Variants in MAN1C1 observed in about 807,000 individuals in gnomAD.
MAN1C1 encodes the protein mannosyl-oligosaccharide 1,2-alpha-mannosidase IC.
In MAN1C1, 49 loss-of-function variants were observed where a neutral mutation model predicts 71.5. The ratio of observed to expected loss-of-function variants is 0.69; its 90% CI spans 0.54 to 0.87. The LOEUF (loss-of-function observed/expected upper bound fraction) is 0.87. Ranked by LOEUF, MAN1C1 falls within the 40% of genes least tolerant of loss-of-function variation. MAN1C1 has a pLI of 0.00. For synonymous variants in MAN1C1, 352 were observed against 343.7 expected, an observed-to-expected ratio of 1.02 and a Z score of -0.27; for missense variants, 743 against 835.0, an observed-to-expected ratio of 0.89 and a Z score of 1.36.
Position 25,711,372 on chromosome 1 carries a change from A to G in MAN1C1, c.637+24836A>G, listed in dbSNP as rs2046610734. Among the ~76,000 whole-genome samples the G allele has an allele frequency of 6.6e-6, 1 of 152,152 alleles. No individual in the cohort carries two copies. Among genetic ancestry groups the G allele is most frequent in the South Asian group, 2.1e-4 (1 of 4,826 alleles). On this transcript the variant is annotated intron_variant, in intron 2 of 11. Coordinates refer to ENST00000374332, the MANE Select transcript of MAN1C1 (RefSeq NM_020379.4). This position sits in a 1 kb window ranked among gnomAD's most constrained non-coding sequence, Gnocchi z 4.3. The stretch of plus-strand genomic sequence containing the variant: ...ACCAGGAACATTTTTGCCTTCTATC[A>G]CACCAGACTCCTTCCCACTCAGACA...
At position 25,738,820 on chromosome 1, in the gene MAN1C1, A is replaced by G. The variant is rs184597400; in HGVS notation, c.638-7848A>G. ...GTATGGTGGCTGGTTCCAAGATCCA[A>G]CATTCTGAGAGGCAGGAAGTGGAAG... is the stretch of plus-strand genomic sequence containing the variant. On this transcript the variant is annotated intron_variant, in intron 2 of 11. Coordinates refer to ENST00000374332, the MANE Select transcript of MAN1C1 (RefSeq NM_020379.4). Among the ~76,000 whole-genome samples the G allele has an allele frequency of 6.6e-5, 10 of 152,264 alleles. No individual in the cohort carries two copies. In the East Asian group the frequency reaches 1.5e-3, roughly 24 times the overall value.
chr1:25,686,377 G>T, intron 1 of MAN1C1, 63 bp from the exon 2 acceptor site: 1 of 1,371,806 alleles, frequency 7.3e-7, no homozygotes, highest in South Asian at 1.2e-5. Context: ...AAAGCCAGGC[G>T]GCCAGTGCGC....
intron 1 of MAN1C1, chr1:25,658,983 C>G (rs933697027): frequency 1.3e-5 from 2 of 152,542 alleles, no homozygotes; most frequent in Middle Eastern, 3.4e-3. Flanking sequence ...CTGCCAGACA[C>G]CCCTGCGTCG....
Position 25,711,781 on chromosome 1 carries a change from C to T in MAN1C1, c.637+25245C>T, listed in dbSNP as rs2046616985. ...GGTGGGAGGAAGTGATCAGTCTTTG[C>T]AAGCCGTGCTGTCCTGTGTGTGAAA... On this transcript the variant is annotated intron_variant, in intron 2 of 11. Transcript: ENST00000374332. This position sits in a 1 kb window ranked among gnomAD's most constrained non-coding sequence, Gnocchi z 4.3. 6.6e-6 allele frequency among the ~76,000 whole-genome samples: 1 copy of T among 152,150 alleles called. No individual in the cohort carries two copies. The highest frequency in any genetic ancestry group is 2.1e-4 in the South Asian group (1 of 4,818).
intron 1 of MAN1C1, among the ~76,000 whole-genome samples, chr1:25,624,158 C>T (rs3754163): frequency 0.17 from 25,918 of 152,152 alleles, 5,507 homozygotes; most frequent in African/African-American, 0.49. Context: ...AGAAGCCAAA[C>T]GGGAGACTCC....
intron 2 of MAN1C1, among the ~76,000 whole-genome samples, chr1:25,707,921 GGGATGGACCCCCA>G (rs1419314024): frequency 6.6e-6 from 1 of 152,316 alleles, no homozygotes; most frequent in African/African-American, 2.4e-5. Flanking sequence ...GGGGGAGGCT[GGGATGGACCCCCA>G]GGATGGACCC....
intron 1 of MAN1C1, among the ~76,000 whole-genome samples, chr1:25,663,010 G>A (rs1178900299): frequency 6.6e-6 from 1 of 151,680 alleles, no homozygotes; most frequent in Non-Finnish European, 1.5e-5. Context: ...AGAATTGCTT[G>A]AACCTGGGAG....
At chr1:25,700,374 T>A (rs967743596) in intron 2 of MAN1C1, among the ~76,000 whole-genome samples, 2 of 152,210 alleles carry the variant, frequency 1.3e-5, no homozygotes, top group Non-Finnish European at 2.9e-5. Context: ...GAAATGCATC[T>A]GGAGATTGTT....
chr1:25,741,590 G>A (rs891614533), intron 2 of MAN1C1, among the ~76,000 whole-genome samples: 14 of 152,172 alleles, frequency 9.2e-5, no homozygotes, highest in Non-Finnish European at 1.9e-4. Flanking sequence ...AAGTGACAGG[G>A]ACAGGGAAAC....
At chr1:25,771,801 C>T (rs2047555687) in intron 8 of MAN1C1, 29 bp downstream of exon 8, 1 of 1,554,004 alleles carries the variant, frequency 6.4e-7, no homozygotes, top group Non-Finnish European at 8.9e-7. Context: ...TATTCACAGG[C>T]CGCTGGTCAC....
chr1:25,723,790 T>G (rs758417025), intron 2 of MAN1C1, among the ~76,000 whole-genome samples: 2 of 152,196 alleles, frequency 1.3e-5, no homozygotes, highest in African/African-American at 2.4e-5. Flanking sequence ...GCATAAAGAT[T>G]TACCATTCAA....
chr1:25,708,700 C>T (rs544402471), intron 2 of MAN1C1, among the ~76,000 whole-genome samples: 25 of 152,222 alleles, frequency 1.6e-4, no homozygotes, highest in Middle Eastern at 3.4e-3. Flanking sequence ...GCCTGGGCAA[C>T]GTGGAGAAAT....
chr1:25,678,346 T>G (rs2046098905), intron 1 of MAN1C1, among the ~76,000 whole-genome samples: 1 of 152,228 alleles, frequency 6.6e-6, no homozygotes, highest in Non-Finnish European at 1.5e-5. Flanking sequence ...TCCAGCCCAC[T>G]GAACTGGCCA....
chr1:25,737,855 A>G (rs759413978), intron 2 of MAN1C1, among the ~76,000 whole-genome samples: 2 of 152,124 alleles, frequency 1.3e-5, no homozygotes, highest in African/African-American at 2.4e-5. Context: ...AGAGGGACCC[A>G]TATCAGCAGG....
chr1:25,751,413 G>T lies in MAN1C1; in HGVS notation c.835-2071G>T, dbSNP rs548683338. On this transcript the variant is annotated intron_variant, in intron 4 of 11. Transcript: ENST00000374332. Reference sequence around the variant, plus strand: ...CCTTCTCTCTTCAAGGGCATCTGTGGTTCTGAGAACTTGCTTTGAGGCCTC... The same window carrying T: ...CCTTCTCTCTTCAAGGGCATCTGTGTTTCTGAGAACTTGCTTTGAGGCCTC... Among the ~76,000 whole-genome samples the T allele has an allele frequency of 2.6e-5, 4 of 151,830 alleles. No homozygotes were observed. The South Asian group carries it at 8.3e-4, about 32-fold the overall frequency.
chr1:25,740,220 C>G (rs2047042008), intron 2 of MAN1C1, among the ~76,000 whole-genome samples: 1 of 152,008 alleles, frequency 6.6e-6, no homozygotes, highest in Admixed American at 6.6e-5. Context: ...CTACCAGGGC[C>G]TAGGCAAGGA....
In MAN1C1 at chr1:25,649,933, C is replaced by T. The variant is rs1027824708; in HGVS notation, c.540+31596C>T. 4.6e-5 allele frequency among the ~76,000 whole-genome samples: 7 copies of T among 152,298 alleles called. No homozygotes were observed. The East Asian group carries it at 5.8e-4, about 13-fold the overall frequency. On this transcript the variant is annotated intron_variant, in intron 1 of 11. Coordinates refer to ENST00000374332, the MANE Select transcript of MAN1C1 (RefSeq NM_020379.4). ...GGATACAGGAGTGAGCCACCGTGCC[C>T]GGCCTGGCCTTGTTGCTTTTAGTAT...
chr1:25,739,683 T>C (rs1455233216), intron 2 of MAN1C1, among the ~76,000 whole-genome samples: 1 of 152,124 alleles, frequency 6.6e-6, no homozygotes, highest in Non-Finnish European at 1.5e-5. Flanking sequence ...CATTTCCTTG[T>C]AGAGATTGAC....
chr1:25,727,112 A>G (rs762885302), intron 2 of MAN1C1, among the ~76,000 whole-genome samples: 19 of 152,268 alleles, frequency 1.2e-4, no homozygotes, highest in Non-Finnish European at 2.4e-4. Flanking sequence ...TGTATTAGAC[A>G]CATAACCATG....
Sources: gnomAD v4.1 joint callset for allele counts (sites outside exome capture counted in the v4.1 genomes callset) on GRCh38, gnomAD v4.1.1 for gene constraint, Gnocchi (gnomAD v3.1) non-coding constraint, MANE v1.5 for transcripts, NCBI Gene and HGNC (gene_info 2026-07-23, HGNC 2026-07-21) for gene names.